Variants in NEGR1 observed in about 807,000 individuals in gnomAD.
NEGR1 encodes IgLON family member 4.
Under a neutral mutation model 40.9 loss-of-function variants are expected in NEGR1, and 10 were observed. The ratio of observed to expected loss-of-function variants is 0.24; its 90% CI spans 0.15 to 0.42. NEGR1 has a LOEUF of 0.42. NEGR1 is among the 10% of genes least tolerant of loss of function. The probability of loss-of-function intolerance (pLI) is 1.00; values close to 1 mark genes in which losing one functional copy is unlikely to be tolerated. For synonymous variants in NEGR1, 185 were observed against 166.8 expected (o/e 1.11, Z -0.84); for missense variants, 352 against 438.9 (o/e 0.80, Z 1.77).
chr1:71,906,291 G>A (rs1418880907), intron 2 of NEGR1, among the ~76,000 whole-genome samples: 4 of 151,874 alleles, frequency 2.6e-5, no homozygotes, highest in East Asian at 1.9e-4. Context: ...TACCGTATAC[G>A]CTGCTCGGGT....
intron 2 of NEGR1, among the ~76,000 whole-genome samples, chr1:71,816,533 T>G (rs1395190881): frequency 1.3e-5 from 2 of 151,886 alleles, no homozygotes; most frequent in African/African-American, 4.8e-5. Flanking sequence ...TATAAAACCA[T>G]CAGATCTCAT....
intron 2 of NEGR1, among the ~76,000 whole-genome samples, chr1:71,919,455 T>C (rs957987818): frequency 3.9e-5 from 6 of 152,192 alleles, no homozygotes; most frequent in Non-Finnish European, 8.8e-5. Context: ...AATTCTCTAT[T>C]AGCTAATCTT....
chr1:71,928,027 T>TACACACACAC (rs150454041), intron 2 of NEGR1, among the ~76,000 whole-genome samples: 5 of 77,458 alleles, frequency 6.5e-5, no homozygotes, highest in African/African-American at 2.4e-4. Flanking sequence ...AATAAATAAA[T>TACACACACAC]ACACACACAC....
chr1:71,611,560 T>A (rs972041139), intron 4 of NEGR1, among the ~76,000 whole-genome samples: 1 of 152,176 alleles, frequency 6.6e-6, no homozygotes, highest in South Asian at 2.1e-4. Flanking sequence ...CTAAGCTTGA[T>A]GGTATTATCT....
chr1:71,802,275 T>A (rs930918403), intron 2 of NEGR1, among the ~76,000 whole-genome samples: 13 of 152,074 alleles, frequency 8.5e-5, no homozygotes, highest in African/African-American at 3.1e-4. Flanking sequence ...TGCAAAAAAA[T>A]GAGAAAGTAT....
Position 72,202,332 on chromosome 1 carries a change from A to C in NEGR1, c.176+79987T>G, listed in dbSNP as rs182957674. Among the ~76,000 whole-genome samples, 4 of 152,060 alleles carry C rather than the reference A, an allele frequency of 2.6e-5. No individual in the cohort carries two copies. The East Asian group carries it at 5.8e-4, about 22-fold the overall frequency. ...TTAAAATTAGGCCAGTTAATAACCC[A>C]AAAACAGCCTCTGAGTGTTAAAGTA... On this transcript the variant is annotated intron_variant, in intron 1 of 6. Transcript: ENST00000357731.
intron 2 of NEGR1, among the ~76,000 whole-genome samples, chr1:71,793,085 T>C (rs918657349): frequency 3.3e-5 from 5 of 149,612 alleles, no homozygotes; most frequent in South Asian, 2.1e-4. Context: ...TCCTTAGAAA[T>C]TGGAAATCAC....
rs1429055434 is a variant in NEGR1, at chr1:71,819,355, TAACATA to T, written c.410-43064_410-43059del. On this transcript the variant is annotated intron_variant, in intron 2 of 6. Transcript: ENST00000357731. The stretch of plus-strand genomic sequence containing the variant: ...TATGATTGCATAGAAAGAAAAGTAG[TAACATA>T]AAAATAAATGCCACTATAGACCAAA... 2.0e-4 allele frequency among the ~76,000 whole-genome samples: 30 copies of T among 151,792 alleles called. 1 individual carries two copies. The highest frequency in any genetic ancestry group is 2.0e-3 in the Admixed American group (30 of 15,198).
At chr1:71,434,086 C>T (rs1462217154) in intron 6 of NEGR1, among the ~76,000 whole-genome samples, 1 of 151,862 alleles carries the variant, frequency 6.6e-6, no homozygotes, top group African/African-American at 2.4e-5. Context: ...TCCACTTATA[C>T]ATAGATTTTT....
intron 6 of NEGR1, among the ~76,000 whole-genome samples, chr1:71,476,683 G>T (rs777798593): frequency 1.3e-5 from 2 of 152,048 alleles, no homozygotes; most frequent in Non-Finnish European, 2.9e-5. Context: ...GGACACTGAG[G>T]TTCGGGAGAG....
intron 2 of NEGR1, among the ~76,000 whole-genome samples, chr1:71,925,549 T>C (rs996414146): frequency 2.0e-5 from 3 of 152,186 alleles, no homozygotes; most frequent in Non-Finnish European, 4.4e-5. Context: ...TTAATCCTTA[T>C]TTTTCTACTA....
chr1:71,950,115 G>A (rs1646056240), intron 1 of NEGR1, among the ~76,000 whole-genome samples: 1 of 151,764 alleles, frequency 6.6e-6, no homozygotes, highest in Admixed American at 6.6e-5. Flanking sequence ...TTCAAAGATG[G>A]GTTTTTTACA....
chr1:71,418,350 G>C (rs192086653), intron 6 of NEGR1, among the ~76,000 whole-genome samples: 1,783 of 151,124 alleles, frequency 0.012, 22 homozygotes, highest in Non-Finnish European at 0.019. Context: ...GTCTTACTCT[G>C]TCGCCCAGGC....
At chr1:71,801,918 C>T (rs965104286) in intron 2 of NEGR1, among the ~76,000 whole-genome samples, 3 of 152,062 alleles carry the variant, frequency 2.0e-5, no homozygotes, top group South Asian at 2.1e-4. Context: ...ACATATATAT[C>T]GTTACCATAA....
intron 1 of NEGR1, among the ~76,000 whole-genome samples, chr1:71,985,194 G>A (rs1344337894): frequency 6.6e-6 from 1 of 151,936 alleles, no homozygotes; most frequent in Non-Finnish European, 1.5e-5. Context: ...TTCTTCACAG[G>A]CAAAATCATA....
At position 71,743,904 on chromosome 1, in the gene NEGR1, T is replaced by C. The variant is rs140368735; in HGVS notation, c.535+32268A>G. ...CCTCTTCATTCAAGCATCACCTCTA[T>C]ACAGGGAATTGCTTATAAAATAACT... is the stretch of plus-strand genomic sequence containing the variant. On this transcript the variant is annotated intron_variant, in intron 3 of 6. Transcript: ENST00000357731. Among the ~76,000 whole-genome samples, 558 of 152,314 alleles carry C rather than the reference T, an allele frequency of 3.7e-3. 3 individuals are homozygous for C. Among genetic ancestry groups the C allele is most frequent in the African/African-American group, 0.012 (511 of 41,578 alleles).
In NEGR1 at chr1:71,599,704, A is replaced by G. The variant is rs150075402; in HGVS notation, c.789-6736T>C. ...TATATTAGAACACTTTAATGAATCTAGACTTTATTAAGCTATTTAAAATGC... is the reference window on the plus strand; with the variant it reads ...TATATTAGAACACTTTAATGAATCTGGACTTTATTAAGCTATTTAAAATGC... On this transcript the variant is annotated intron_variant, in intron 5 of 6. Transcript: ENST00000357731. Among the ~76,000 whole-genome samples, 34 of 152,348 alleles carry G rather than the reference A, an allele frequency of 2.2e-4. No homozygotes were observed. The East Asian group carries it at 6.4e-3, about 28-fold the overall frequency.
intron 1 of NEGR1, among the ~76,000 whole-genome samples, chr1:72,182,428 G>A (rs1431129306): frequency 6.6e-6 from 1 of 152,100 alleles, no homozygotes; most frequent in African/African-American, 2.4e-5. Context: ...GGGGGGTGGA[G>A]GTTGCAGTGA....
chr1:71,799,227 A>G (rs1657457953), intron 2 of NEGR1, among the ~76,000 whole-genome samples: 1 of 151,928 alleles, frequency 6.6e-6, no homozygotes, highest in Admixed American at 6.6e-5. Flanking sequence ...CCAGTGTGTG[A>G]TATTCACCTC....
Sources: gnomAD v4.1 joint callset for allele counts (sites outside exome capture counted in the v4.1 genomes callset) on GRCh38, gnomAD v4.1.1 for gene constraint, MANE v1.5 for transcripts, NCBI Gene and HGNC (gene_info 2026-07-23, HGNC 2026-07-21) for gene names.